KANK1: variants seen among roughly 807,000 people sequenced by gnomAD.
The protein encoded by KANK1 is KN motif and ankyrin repeat domains 1.
A neutral mutation model predicts 106.2 loss-of-function variants in KANK1; 109 were observed. The observed-to-expected ratio is 1.03, with a 90% CI of 0.88 to 1.20. The LOEUF (loss-of-function observed/expected upper bound fraction) is 1.20. Among genes scored for constraint, KANK1 ranks in the 50% most tolerant of loss-of-function variants. KANK1 has a pLI of 0.00. For synonymous variants in KANK1, 873 were observed against 652.2 expected (o/e 1.34, Z -5.16); for missense variants, 2,399 against 1,710.7 (o/e 1.40, Z -7.10).
At chr9:649,477 G>C (rs560652405) in intron 1 of KANK1, among the ~76,000 whole-genome samples, 1 of 152,202 alleles carries the variant, frequency 6.6e-6, no homozygotes, top group Non-Finnish European at 1.5e-5. Context: ...GAGCTGAGCT[G>C]ATTTACAGAG....
chr9:602,120 A>T (rs563292598), intron 1 of KANK1, among the ~76,000 whole-genome samples: 5 of 152,086 alleles, frequency 3.3e-5, no homozygotes, highest in African/African-American at 1.2e-4. Context: ...TTCTTTATCA[A>T]TGGAATAGAT....
chr9:475,128 T>G (rs1331597156), intron 3 of KANK1, among the ~76,000 whole-genome samples: 1 of 152,086 alleles, frequency 6.6e-6, no homozygotes, highest in Non-Finnish European at 1.5e-5. Flanking sequence ...CACAATAAGA[T>G]CTCAGGAATT....
intron 1 of KANK1, among the ~76,000 whole-genome samples, chr9:633,153 C>T (rs1257327895): frequency 6.6e-6 from 1 of 152,092 alleles, no homozygotes. Context: ...CTTTTATGGA[C>T]TATTGATAAG....
chr9:550,171 A>G (rs569538947), intron 1 of KANK1, among the ~76,000 whole-genome samples: 6 of 141,940 alleles, frequency 4.2e-5, no homozygotes, highest in African/African-American at 1.2e-4. Flanking sequence ...AAATAAGCAG[A>G]CAGTCTGTGG....
At chr9:672,054 C>A (rs887593902) in intron 1 of KANK1, among the ~76,000 whole-genome samples, 1 of 152,178 alleles carries the variant, frequency 6.6e-6, no homozygotes, top group East Asian at 1.9e-4. Context: ...AAGGTGTCTA[C>A]CTTACGTATA....
rs1837019525 is a variant in KANK1 at position 745,792 on chromosome 9, T to TATATGACTTTTTATAA, written c.*559_*574dup. 6.6e-6 allele frequency: 1 copy of TATATGACTTTTTATAA among 152,624 alleles called. No homozygotes were observed. The highest frequency in any genetic ancestry group is 1.5e-5 in the Non-Finnish European group (1 of 68,060). 9.5% of individuals were successfully genotyped at this position (152,624 alleles called of 1,614,324 possible). A position where few individuals can be genotyped will look rare whatever the true frequency, so the allele number is the denominator to read the frequency against. The stretch of plus-strand genomic sequence containing the variant: ...TTTGGTCTTAACTAGGTAGATGTAA[T>TATATGACTTTTTATAA]ATATGACTTTTTATAAAAAGGGTAT... On this transcript the variant is annotated 3_prime_UTR_variant, in exon 12 of 12. Transcript: ENST00000382297.
intron 3 of KANK1, among the ~76,000 whole-genome samples, chr9:473,676 C>G (rs1049181686): frequency 4.6e-5 from 7 of 152,098 alleles, no homozygotes; most frequent in African/African-American, 1.7e-4. Context: ...TGTTCAGGAA[C>G]TATCTTGCAC....
intron 3 of KANK1, among the ~76,000 whole-genome samples, chr9:493,075 C>T (rs377374327): frequency 6.6e-6 from 1 of 151,230 alleles, no homozygotes; most frequent in Non-Finnish European, 1.5e-5. Flanking sequence ...GCCTGGTAGC[C>T]GGCCTCCCTG....
chr9:502,984 G>A (rs1427472418), upstream of KANK1, among the ~76,000 whole-genome samples: 2 of 148,834 alleles, frequency 1.3e-5, no homozygotes, highest in African/African-American at 4.9e-5. Context: ...ACAGGCGCGC[G>A]CCATCGCGCC....
chr9:675,097 A>C (rs1242612601), intron 1 of KANK1, among the ~76,000 whole-genome samples: 5 of 152,210 alleles, frequency 3.3e-5, no homozygotes, highest in Non-Finnish European at 7.3e-5. Flanking sequence ...CACCACAGTG[A>C]ACATTTTGGT....
At chr9:625,791 G>A (rs1172922697) in intron 1 of KANK1, among the ~76,000 whole-genome samples, 1 of 152,164 alleles carries the variant, frequency 6.6e-6, no homozygotes. Context: ...CTGAGCCCCT[G>A]AGTTTGTTGC....
intron 1 of KANK1, among the ~76,000 whole-genome samples, chr9:562,715 A>G (rs1207949917): frequency 1.3e-5 from 2 of 152,220 alleles, no homozygotes; most frequent in Non-Finnish European, 2.9e-5. Flanking sequence ...TACAAATATT[A>G]GTTGTCAAGT....
chr9:590,983 A>G (rs972790923), intron 1 of KANK1, among the ~76,000 whole-genome samples: 3 of 151,804 alleles, frequency 2.0e-5, no homozygotes, highest in African/African-American at 7.3e-5. Flanking sequence ...CCACACCCTT[A>G]ACATTGGATA....
intron 1 of KANK1, among the ~76,000 whole-genome samples, chr9:621,769 T>A (rs1318788702): frequency 1.3e-5 from 2 of 152,106 alleles, no homozygotes; most frequent in Non-Finnish European, 2.9e-5. Flanking sequence ...CCAGCCCTGC[T>A]TACTCACTCG....
intron 1 of KANK1, among the ~76,000 whole-genome samples, chr9:577,234 A>G (rs1820808308): frequency 1.3e-5 from 2 of 152,188 alleles, no homozygotes; most frequent in Non-Finnish European, 2.9e-5. Context: ...GGCCCCGCCC[A>G]CGTCCTGCTG....
chr9:630,464 T>G (rs942386165), intron 1 of KANK1, among the ~76,000 whole-genome samples: 1 of 150,572 alleles, frequency 6.6e-6, no homozygotes, highest in Non-Finnish European at 1.5e-5. Flanking sequence ...GGCGGGAGAA[T>G]GGCGTAAACC....
At chr9:543,321 C>A (rs1191182415) in intron 1 of KANK1, among the ~76,000 whole-genome samples, 1 of 151,802 alleles carries the variant, frequency 6.6e-6, no homozygotes, top group Non-Finnish European at 1.5e-5. Flanking sequence ...TTTGGGAGGC[C>A]AAGGTGGGCG....
intron 1 of KANK1, among the ~76,000 whole-genome samples, chr9:632,455 A>C (rs80094502): frequency 0.026 from 3,966 of 152,290 alleles, 179 homozygotes; most frequent in African/African-American, 0.09. Flanking sequence ...ATAATTATTG[A>C]GAGCATGGAA....
chr9:656,046 C>T (rs376618919), intron 1 of KANK1, among the ~76,000 whole-genome samples: 1 of 152,126 alleles, frequency 6.6e-6, no homozygotes, highest in African/African-American at 2.4e-5. Context: ...CCCAGAGCCT[C>T]GTTGCAGGAG....
Sources: gnomAD v4.1 joint callset for allele counts (sites outside exome capture counted in the v4.1 genomes callset) on GRCh38, gnomAD v4.1.1 for gene constraint, MANE v1.5 for transcripts, NCBI Gene and HGNC (gene_info 2026-07-23, HGNC 2026-07-21) for gene names.